RASD2: variants seen among roughly 807,000 people sequenced by gnomAD.
The protein encoded by RASD2 is RASD family member 2, also known as GTP-binding protein Rhes.
A neutral mutation model predicts 15.8 loss-of-function variants in RASD2; 7 were observed. The ratio of observed to expected loss-of-function variants is 0.44; its 90% CI spans 0.25 to 0.83. The LOEUF (loss-of-function observed/expected upper bound fraction) is 0.83, where lower values mean the gene tolerates loss of function less well. RASD2 is among the 40% of genes least tolerant of loss of function. The probability of loss-of-function intolerance (pLI) is 0.20; values close to 1 mark genes in which losing one functional copy is unlikely to be tolerated. For synonymous variants in RASD2, 155 were observed against 153.6 expected (o/e 1.01, Z -0.07); for missense variants, 274 against 382.8 (o/e 0.72, Z 2.37).
At chr22:35,545,163 G>GA (rs1934462447) in intron 1 of RASD2, among the ~76,000 whole-genome samples, 1 of 152,226 alleles carries the variant, frequency 6.6e-6, no homozygotes, top group South Asian at 2.1e-4. Flanking sequence ...AGGTATTTTT[G>GA]AGAGCCGGTT....
rs1218174116 is a variant in RASD2, at chr22:35,546,970, A to G, written c.161A>G (p.Asp54Gly). The change falls in exon 2 of 3, where the codon GAC (aspartate) becomes GGC (glycine). Residue 54 changes from aspartate to glycine, a missense_variant. Physicochemically the swap from Asp to Gly is moderately conservative, Grantham distance 94 (BLOSUM62 -1). Transcript: ENST00000216127. ...FEDQYTPTIE[D>G]FHRKVYNIRG... ...GACCAGTACACACCCACCATCGAGGACTTCCACCGTAAGGTATACAACATC... is the reference window on the plus strand; with the variant it reads ...GACCAGTACACACCCACCATCGAGGGCTTCCACCGTAAGGTATACAACATC... 1 of 1,614,016 alleles carries G rather than the reference A, an allele frequency of 6.2e-7. No homozygotes were observed. Among genetic ancestry groups the G allele is most frequent in the African/African-American group, 1.3e-5 (1 of 74,984 alleles).
chr22:35,540,372 G>T (rs937735632), upstream of RASD2, among the ~76,000 whole-genome samples: 1 of 149,834 alleles, frequency 6.7e-6, no homozygotes, highest in Non-Finnish European at 1.5e-5. Context: ...CGCAGACCGC[G>T]GCGCCCCGGA....
the RASD2 span, among the ~76,000 whole-genome samples, chr22:35,534,759 ACTGAGAGCTTTCCCTCAAAG>A: frequency 6.6e-6 from 1 of 152,204 alleles, no homozygotes; most frequent in Non-Finnish European, 1.5e-5. Flanking sequence ...TCCTTTCAAA[ACTGAGAGCTTTCCCTCAAAG>A]CTGAGAGCTT....
Position 35,551,824 on chromosome 22 carries a change from C to T in RASD2, c.593C>T (p.Pro198Leu). The T allele has an allele frequency of 6.2e-7, 1 of 1,614,116 alleles. No homozygotes were observed. The highest frequency in any genetic ancestry group is 8.5e-7 in the Non-Finnish European group (1 of 1,180,012). ...SMAKLPHEMS[P>L]ALHRKISVQY... ...GCCAAGCTGCCACACGAGATGAGCC[C>T]CGCCCTGCATCGCAAGATCTCCGTG... The change falls in exon 3 of 3, where the codon CCC (proline) becomes CTC (leucine). Residue 198 changes from proline to leucine, a missense_variant. Transcript: ENST00000216127. This position sits in a 1 kb window ranked among gnomAD's most constrained non-coding sequence, Gnocchi z 4.9.
At chr22:35,549,539 C>T (rs534870903) in intron 2 of RASD2, among the ~76,000 whole-genome samples, 4 of 152,256 alleles carry the variant, frequency 2.6e-5, no homozygotes, top group East Asian at 1.9e-4. Context: ...ATTAGCCTAA[C>T]GGGATGGGGT....
intron 2 of RASD2, among the ~76,000 whole-genome samples, chr22:35,550,244 C>T (rs1234963433): frequency 6.6e-6 from 1 of 151,574 alleles, no homozygotes; most frequent in Non-Finnish European, 1.5e-5. Context: ...GGCTGGGCAA[C>T]AAGAGTGAAA....
intron 1 of RASD2, among the ~76,000 whole-genome samples, chr22:35,544,324 A>G (rs753282341): frequency 6.6e-6 from 1 of 152,022 alleles, no homozygotes; most frequent in Non-Finnish European, 1.5e-5. Flanking sequence ...GAGACTGAGA[A>G]GGGCTCCCTG....
intron 2 of RASD2, among the ~76,000 whole-genome samples, chr22:35,548,183 A>G (rs2145874694): frequency 6.6e-6 from 1 of 152,302 alleles, no homozygotes; most frequent in African/African-American, 2.4e-5. Context: ...ATGGTAGCTA[A>G]GAGGACAAGC....
At chr22:35,539,025 T>C (rs1005036910), upstream of RASD2, among the ~76,000 whole-genome samples, 1 of 152,160 alleles carries the variant, frequency 6.6e-6, no homozygotes, top group African/African-American at 2.4e-5. Context: ...TGGCCTAAAT[T>C]GGGGCATTAA....
At chr22:35,544,820 A>AT (rs1275784229) in intron 1 of RASD2, among the ~76,000 whole-genome samples, 1 of 152,170 alleles carries the variant, frequency 6.6e-6, no homozygotes, top group African/African-American at 2.4e-5. Context: ...TCATCTGTAA[A>AT]TTGGAGAATA....
rs41495045 is a variant in RASD2, at chr22:35,547,300, G to C, written c.271+220G>C. 9.1e-3 allele frequency among the ~76,000 whole-genome samples: 1,388 copies of C among 152,360 alleles called. 27 individuals carry two copies. Among genetic ancestry groups the C allele is most frequent in the African/African-American group, 0.032 (1,312 of 41,574 alleles). On this transcript the variant is annotated intron_variant, in intron 2 of 2. Coordinates refer to ENST00000216127, the MANE Select transcript of RASD2 (RefSeq NM_014310.4). Reference sequence around the variant, plus strand: ...TTAGACTCCAGATCGATTACTCATGGCTGTCGGGGCCGCCTTCCAGATCAG... The same window carrying C: ...TTAGACTCCAGATCGATTACTCATGCCTGTCGGGGCCGCCTTCCAGATCAG...
chr22:35,539,733 T>C (rs1934296236), upstream of RASD2, among the ~76,000 whole-genome samples: 1 of 152,222 alleles, frequency 6.6e-6, no homozygotes, highest in Non-Finnish European at 1.5e-5. Flanking sequence ...AAGGCAGTGA[T>C]ATAATGATTC....
In RASD2 at chr22:35,552,071, G is replaced by A. The variant is rs1934685932; in HGVS notation, c.*39G>A. On this transcript the variant is annotated 3_prime_UTR_variant, in exon 3 of 3. Coordinates refer to ENST00000216127, the MANE Select transcript of RASD2 (RefSeq NM_014310.4). ...GGGCGGGGCTTGGCCAGTGCCTTCA[G>A]GGAGGTGGCCCCAGATGCCCACTGT... 1 of 1,565,712 alleles carries A rather than the reference G, an allele frequency of 6.4e-7. No individual in the cohort carries two copies. The highest frequency in any genetic ancestry group is 1.7e-5 in the Admixed American group (1 of 57,972).
chr22:35,546,932 T>C lies in RASD2; in HGVS notation c.123T>C (p.Asn41=), dbSNP rs1192806063. ...GCTCCATCGTGTCTCGCTTCCTCAATGGCCGCTTTGAGGACCAGTACACAC... is the reference window on the plus strand; with the variant it reads ...GCTCCATCGTGTCTCGCTTCCTCAACGGCCGCTTTGAGGACCAGTACACAC... ...GKSSIVSRFL[N]GRFEDQYTPT... Residue 41 remains asparagine, a synonymous_variant, in exon 2 of 3, where the codon AAT becomes AAC. Transcript: ENST00000216127. 6 of 1,613,824 alleles carry C rather than the reference T, an allele frequency of 3.7e-6. No individual in the cohort carries two copies. The Middle Eastern group carries it at 4.9e-4, about 133-fold the overall frequency.
chr22:35,551,886 A>C lies in RASD2; in HGVS notation c.655A>C (p.Met219Leu), dbSNP rs767995498. ...CGCCTTCCACCCCAGGCCCTTCTGC[A>C]TGCGCCGCGTCAAGGAGATGGACGC... ...GDAFHPRPFC[M>L]RRVKEMDAYG... Residue 219 changes from methionine to leucine, a missense_variant, in exon 3 of 3, where the codon ATG (methionine) becomes CTG (leucine). By Grantham distance (15) the Met-to-Leu change is conservative. Coordinates refer to ENST00000216127, the MANE Select transcript of RASD2 (RefSeq NM_014310.4). The surrounding 1 kb of genome is among the most constrained non-coding windows in gnomAD (Gnocchi z 4.9). The C allele has an allele frequency of 9.3e-6, 15 of 1,613,130 alleles. No individual in the cohort carries two copies. Among genetic ancestry groups the C allele is most frequent in the Non-Finnish European group, 1.3e-5 (15 of 1,179,998 alleles).
Position 35,546,863 on chromosome 22 carries a change from C to T in RASD2, c.54C>T (p.Asn18=), listed in dbSNP as rs1399347294. ...GNCTLSVPAK[N]SYRMVVLGAS... The stretch of plus-strand genomic sequence containing the variant: ...GCACGCTCAGTGTGCCCGCCAAAAA[C>T]TCATACCGCATGGTGGTGCTGGGTG... The change falls in exon 2 of 3, where the codon AAC becomes AAT. Residue 18 remains asparagine (N), a synonymous_variant. Coordinates refer to ENST00000216127, the MANE Select transcript of RASD2 (RefSeq NM_014310.4). 2.5e-6 allele frequency: 4 copies of T among 1,613,904 alleles called. No individual in the cohort carries two copies. The Admixed American group carries it at 6.7e-5, about 27-fold the overall frequency.
upstream of RASD2, among the ~76,000 whole-genome samples, chr22:35,537,984 CGCCCAG>C (rs1934268083): frequency 6.6e-6 from 1 of 150,732 alleles, no homozygotes; most frequent in African/African-American, 2.4e-5. Flanking sequence ...CTTGCTCCGT[CGCCCAG>C]GCTAGAGCAC....
chr22:35,535,600 C>G, the RASD2 span, among the ~76,000 whole-genome samples: 1 of 152,060 alleles, frequency 6.6e-6, no homozygotes, highest in Admixed American at 6.6e-5. Context: ...CAAGACTTCC[C>G]AGAGGCAGTG....
chr22:35,550,878 G>A (rs1038680547), intron 2 of RASD2, among the ~76,000 whole-genome samples: 6 of 152,320 alleles, frequency 3.9e-5, no homozygotes, highest in African/African-American at 1.4e-4. Context: ...CGGGCCTGGA[G>A]CATACACCCA....
Sources: allele counts gnomAD v4.1 joint callset (sites outside exome capture counted in the v4.1 genomes callset), GRCh38; gene constraint gnomAD v4.1.1; non-coding constraint Gnocchi (gnomAD v3.1); transcripts MANE v1.5; gene names NCBI Gene and HGNC (gene_info 2026-07-23, HGNC 2026-07-21).